Variants in TRIM56 observed in about 807,000 individuals in gnomAD.
The protein encoded by TRIM56 is E3 ubiquitin-protein ligase TRIM56.
A neutral mutation model predicts 17.1 loss-of-function variants in TRIM56; 10 were observed. That is an observed-to-expected ratio of 0.58 (90% CI 0.36 to 0.99). TRIM56 has a LOEUF of 0.99. Among genes scored for constraint, TRIM56 ranks in the 50% least tolerant of loss-of-function variants. The pLI is 0.01. For synonymous variants in TRIM56, 503 were observed against 473.5 expected, an observed-to-expected ratio of 1.06 and a Z score of -0.81; for missense variants, 923 against 1,052.3, an observed-to-expected ratio of 0.88 and a Z score of 1.70.
At position 101,088,163 on chromosome 7, in the gene TRIM56, C is replaced by T; in HGVS notation, c.851C>T (p.Ala284Val). 1 of 1,499,460 alleles carries T rather than the reference C, an allele frequency of 6.7e-7. No homozygotes were observed. The allele number at this position is 1,499,460 out of a possible 1,614,324, so 92.9% of individuals were successfully genotyped here. Reference sequence around the variant, plus strand: ...CAGCTACGAGCCCACGTGGAGGCTGCCGAAGAAGCTGCTCGGGAGAGGCTG... The same window carrying T: ...CAGCTACGAGCCCACGTGGAGGCTGTCGAAGAAGCTGCTCGGGAGAGGCTG... ...LGQLRAHVEA[A>V]EEAARERLAE... The change falls in exon 3 of 3, where the codon GCC becomes GTC. Residue 284 changes from alanine to valine, a missense_variant. Physicochemically the swap from Ala to Val is moderately conservative, Grantham distance 64 (BLOSUM62 0). This residue lies in a region of TRIM56 where 643 missense variants were observed against 665.6 expected (regional missense o/e 0.97). Transcript: ENST00000306085.
chr7:101,089,287 G>T lies in TRIM56; in HGVS notation c.1975G>T (p.Val659Leu), dbSNP rs1795523044. ...GTCGGACTGGCAGCAGAATAGTGTG[G>T]TAATCTGTGATGGGCTGGGCCAGGT... ...VGSDWQQNSVVICDGLGQVVG... is the reference protein window; with the variant it reads ...VGSDWQQNSVLICDGLGQVVG... Residue 659 changes from valine to leucine, a missense_variant, in exon 3 of 3, where the codon GTA (valine) becomes TTA (leucine). Physicochemically the swap from Val to Leu is conservative, Grantham distance 32 (BLOSUM62 1). This residue lies in a region of TRIM56 where 182 missense variants were observed against 243.1 expected (regional missense o/e 0.75). Coordinates refer to ENST00000306085, the MANE Select transcript of TRIM56 (RefSeq NM_030961.3). 1 of 1,607,700 alleles carries T rather than the reference G, an allele frequency of 6.2e-7. No individual in the cohort carries two copies. Among genetic ancestry groups the T allele is most frequent in the South Asian group, 1.1e-5 (1 of 90,660 alleles).
chr7:101,092,119 T>G lies in TRIM56; in HGVS notation c.*2539T>G, dbSNP rs532889140. 33 of 264,828 alleles carry G rather than the reference T, an allele frequency of 1.2e-4. No homozygotes were observed. Among genetic ancestry groups the G allele is most frequent in the South Asian group, 8.0e-4 (24 of 29,860 alleles). 16.4% of individuals were successfully genotyped at this position (264,828 alleles called of 1,614,324 possible). A position where few individuals can be genotyped will look rare whatever the true frequency, so the allele number is the denominator to read the frequency against. On this transcript the variant is annotated 3_prime_UTR_variant, in exon 3 of 3. Transcript: ENST00000306085. ...ATGTTGCCCAGGCTGGAGTGCAGTG[T>G]CGTGATCTCGGCTAGCTACAACCTC...
chr7:101,091,441 C>G lies in TRIM56; in HGVS notation c.*1861C>G, dbSNP rs1356111103. The stretch of plus-strand genomic sequence containing the variant: ...AGAATAATGAAGATTATAAGAAAAC[C>G]AAGCGCCAGGCACGGTGACTCAAGC... On this transcript the variant is annotated 3_prime_UTR_variant, in exon 3 of 3. Coordinates refer to ENST00000306085, the MANE Select transcript of TRIM56 (RefSeq NM_030961.3). The G allele has an allele frequency of 5.1e-6, 1 of 194,772 alleles. No homozygotes were observed. Among genetic ancestry groups the G allele is most frequent in the East Asian group, 1.7e-4 (1 of 5,780 alleles). The allele number at this position is 194,772 out of a possible 1,614,324, so 12.1% of individuals were successfully genotyped here. A position where few individuals can be genotyped will look rare whatever the true frequency, so the allele number is the denominator to read the frequency against.
chr7:101,087,712 G>A lies in TRIM56; in HGVS notation c.400G>A (p.Gly134Arg), dbSNP rs1418561224. ...ADDLCQACAD[G>R]HRCTRQTHTH... ...TGACTTGTGCCAGGCCTGTGCCGAC[G>A]GGCACCGCTGCACCCGCCAGACCCA... Residue 134 changes from glycine to arginine, a missense_variant, in exon 3 of 3, where the codon GGG (glycine) becomes AGG (arginine). Gly to Arg is a moderately radical substitution (Grantham distance 125). Transcript: ENST00000306085. 3.8e-6 allele frequency: 6 copies of A among 1,586,574 alleles called. No individual in the cohort carries two copies. The highest frequency in any genetic ancestry group is 5.1e-6 in the Non-Finnish European group (6 of 1,166,916).
In TRIM56 at chr7:101,096,025, C is replaced by T. The variant is rs1189723923; in HGVS notation, c.*6445C>T. On this transcript the variant is annotated 3_prime_UTR_variant, in exon 3 of 3. Transcript: ENST00000306085. Reference sequence around the variant, plus strand: ...CAACATGGTGAAACCCCCATCTCTACTAAAAATACAAAAATTAGCCAGGCG... The same window carrying T: ...CAACATGGTGAAACCCCCATCTCTATTAAAAATACAAAAATTAGCCAGGCG... 1 of 152,150 alleles carries T rather than the reference C, an allele frequency of 6.6e-6. No individual in the cohort carries two copies. The highest frequency in any genetic ancestry group is 1.5e-5 in the Non-Finnish European group (1 of 68,042). The allele number at this position is 152,150 out of a possible 1,614,324, so 9.4% of individuals were successfully genotyped here.
chr7:101,089,218 G>A lies in TRIM56; in HGVS notation c.1906G>A (p.Ala636Thr), dbSNP rs1350172755. Residue 636 changes from alanine (A) to threonine (T), a missense_variant, in exon 3 of 3, where the codon GCG (alanine) becomes ACG (threonine). Around this residue, in one of 3 missense-constraint regions of TRIM56, gnomAD observed 182 missense variants for 243.1 expected, o/e 0.75. Transcript: ENST00000306085. ...PGGKASRGLR[A>T]LVFLTTSPQG... is the part of the protein sequence containing the mutation. Reference sequence around the variant, plus strand: ...AGGCAAGGCCAGCCGGGGCCTGCGGGCGCTGGTGTTTCTGACCACCAGCCC... The same window carrying A: ...AGGCAAGGCCAGCCGGGGCCTGCGGACGCTGGTGTTTCTGACCACCAGCCC... The A allele has an allele frequency of 6.2e-7, 1 of 1,613,506 alleles. No homozygotes were observed. Among genetic ancestry groups the A allele is most frequent in the Non-Finnish European group, 8.5e-7 (1 of 1,179,746 alleles).
rs1242799899 is a variant in TRIM56, at chr7:101,087,491, G to A, written c.179G>A (p.Arg60His). The A allele has an allele frequency of 6.2e-6, 10 of 1,613,396 alleles. No individual in the cohort carries two copies. Among genetic ancestry groups the A allele is most frequent in the Middle Eastern group, 1.6e-4 (1 of 6,082 alleles). The change falls in exon 3 of 3, where the codon CGC becomes CAC. Residue 60 changes from arginine to histidine, a missense_variant. Transcript: ENST00000306085. The part of the protein sequence containing the change: ...DGGRVRCPEC[R>H]ETVPVPPEGV... The stretch of plus-strand genomic sequence containing the variant: ...GGCCGCGTCCGCTGCCCCGAGTGCC[G>A]CGAGACAGTGCCTGTGCCGCCCGAG...
rs75413959 is a variant in TRIM56, at chr7:101,090,317, T to A, written c.*737T>A. On this transcript the variant is annotated 3_prime_UTR_variant, in exon 3 of 3. Coordinates refer to ENST00000306085, the MANE Select transcript of TRIM56 (RefSeq NM_030961.3). ...TCGCTTCTCAGCCTTTTGGCTAAGA[T>A]TAAGTATTAAAAAAAAACCAGGCTC... The A allele has an allele frequency of 0.019, 3,157 of 166,776 alleles. 272 individuals are homozygous for A. The East Asian group carries it at 0.26, about 14-fold the overall frequency. The allele number at this position is 166,776 out of a possible 1,614,324, so 10.3% of individuals were successfully genotyped here.
Position 101,088,012 on chromosome 7 carries a change from C to CGG in TRIM56, c.701_702dup (p.Arg235GlyfsTer8). On this transcript the variant is annotated frameshift_variant, in exon 3 of 3. Transcript: ENST00000306085. LOFTEE classifies it low-confidence loss of function (END_TRUNC). Reference sequence around the variant, plus strand: ...TAACCTGGTGGAGCTGGAGGCAGCGCGGAGGGTGGAGAAGGAGGCGCTAGC... The same window carrying CGG: ...TAACCTGGTGGAGCTGGAGGCAGCGCGGGGAGGGTGGAGAAGGAGGCGCTAGC... 6.3e-7 allele frequency: 1 copy of CGG among 1,575,146 alleles called. No individual in the cohort carries two copies. Among genetic ancestry groups the CGG allele is most frequent in the Non-Finnish European group, 8.6e-7 (1 of 1,167,444 alleles).
In TRIM56 at chr7:101,087,712, G is replaced by T. The variant is rs1418561224; in HGVS notation, c.400G>T (p.Gly134Trp). 1 of 1,586,574 alleles carries T rather than the reference G, an allele frequency of 6.3e-7. No homozygotes were observed. Among genetic ancestry groups the T allele is most frequent in the Non-Finnish European group, 8.6e-7 (1 of 1,166,916 alleles). The stretch of plus-strand genomic sequence containing the variant: ...TGACTTGTGCCAGGCCTGTGCCGAC[G>T]GGCACCGCTGCACCCGCCAGACCCA... ...ADDLCQACAD[G>W]HRCTRQTHTH... Residue 134 changes from glycine (G) to tryptophan (W), a missense_variant, in exon 3 of 3, where the codon GGG becomes TGG. Gly to Trp is a radical substitution (Grantham distance 184). Transcript: ENST00000306085.
intron 1 of TRIM56, 23 bp from the exon 2 acceptor site, chr7:101,086,983 C>T (rs957777024): frequency 6.6e-6 from 2 of 300,980 alleles, no homozygotes; most frequent in East Asian, 1.4e-4. Flanking sequence ...TTAGCTAAGG[C>T]CAGGGACTCC....
intron 1 of TRIM56, among the ~76,000 whole-genome samples, chr7:101,086,078 C>T (rs915439765): frequency 6.6e-6 from 1 of 152,160 alleles, no homozygotes; most frequent in Non-Finnish European, 1.5e-5. Context: ...GCCTCCACCA[C>T]CCGCGATGCT....
Position 101,087,601 on chromosome 7 carries a change from G to A in TRIM56, c.289G>A (p.Gly97Arg), listed in dbSNP as rs763005908. ...CCGGGCCTGTGGAGACCTGCGTGCC[G>A]GGAAGCCAGCCTGTGCCCTGTGTCC... ...KARACGDLRAGKPACALCPLV... is the reference protein window; with the variant it reads ...KARACGDLRARKPACALCPLV... The change falls in exon 3 of 3, where the codon GGG becomes AGG. Residue 97 changes from glycine to arginine, a missense_variant. Physicochemically the swap from Gly to Arg is moderately radical, Grantham distance 125. Around this residue, in one of 3 missense-constraint regions of TRIM56, gnomAD observed 98 missense variants for 143.6 expected, o/e 0.68. Transcript: ENST00000306085. The A allele has an allele frequency of 1.6e-5, 26 of 1,612,232 alleles. No individual in the cohort carries two copies. The highest frequency in any genetic ancestry group is 1.1e-4 in the African/African-American group (8 of 74,898).
In TRIM56 at chr7:101,089,796, G is replaced by A. The variant is rs986413615; in HGVS notation, c.*216G>A. ...TAACTCTCAGAAGCAGAGGAGGCAGGTGGGTGGAGGGGGATGCTGGGAGTT... is the reference window on the plus strand; with the variant it reads ...TAACTCTCAGAAGCAGAGGAGGCAGATGGGTGGAGGGGGATGCTGGGAGTT... On this transcript the variant is annotated 3_prime_UTR_variant, in exon 3 of 3. Transcript: ENST00000306085. 26 of 512,704 alleles carry A rather than the reference G, an allele frequency of 5.1e-5. No individual in the cohort carries two copies. The highest frequency in any genetic ancestry group is 3.6e-5 in the Admixed American group (1 of 27,682). 31.8% of individuals were successfully genotyped at this position (512,704 alleles called of 1,614,324 possible).
Position 101,088,896 on chromosome 7 carries a change from C to T in TRIM56, c.1584C>T (p.Asn528=). 6.2e-7 allele frequency: 1 copy of T among 1,613,898 alleles called. No individual in the cohort carries two copies. Among genetic ancestry groups the T allele is most frequent in the South Asian group, 1.1e-5 (1 of 91,088 alleles). ...PREILVADEQ[N]RALKRFSLNG... is the part of the protein sequence containing the mutation. ...AGATCCTGGTGGCGGATGAGCAGAA[C>T]CGGGCACTGAAACGCTTCTCCCTCA... Residue 528 remains asparagine, a synonymous_variant, in exon 3 of 3, where the codon AAC becomes AAT. Coordinates refer to ENST00000306085, the MANE Select transcript of TRIM56 (RefSeq NM_030961.3).
In TRIM56 at chr7:101,087,704, G is replaced by A. The variant is rs769325272; in HGVS notation, c.392G>A (p.Cys131Tyr). The change falls in exon 3 of 3, where the codon TGT becomes TAT. Residue 131 changes from cysteine to tyrosine, a missense_variant. Coordinates refer to ENST00000306085, the MANE Select transcript of TRIM56 (RefSeq NM_030961.3). ...TGTGCCGATGACTTGTGCCAGGCCT[G>A]TGCCGACGGGCACCGCTGCACCCGC... ...LDCADDLCQA[C>Y]ADGHRCTRQT... The A allele has an allele frequency of 6.3e-7, 1 of 1,587,882 alleles. No individual in the cohort carries two copies. The highest frequency in any genetic ancestry group is 1.1e-5 in the South Asian group (1 of 88,220).
chr7:101,089,489 G>A lies in TRIM56; in HGVS notation c.2177G>A (p.Arg726Gln), dbSNP rs1325410629. ...LTAYHGLEKP[R>Q]VTTMVDGRYL... Reference sequence around the variant, plus strand: ...GCCTACCACGGCCTGGAAAAGCCCCGGGTTACCACCATGGTGGATGGCAGG... The same window carrying A: ...GCCTACCACGGCCTGGAAAAGCCCCAGGTTACCACCATGGTGGATGGCAGG... The change falls in exon 3 of 3, where the codon CGG becomes CAG. Residue 726 changes from arginine to glutamine, a missense_variant. Coordinates refer to ENST00000306085, the MANE Select transcript of TRIM56 (RefSeq NM_030961.3). 7.4e-6 allele frequency: 12 copies of A among 1,614,136 alleles called. No individual in the cohort carries two copies. Among genetic ancestry groups the A allele is most frequent in the African/African-American group, 1.3e-5 (1 of 74,948 alleles).
In TRIM56 at chr7:101,090,326, A is replaced by T. The variant is rs76886020; in HGVS notation, c.*746A>T. 6.0e-6 allele frequency: 1 copy of T among 165,442 alleles called. No homozygotes were observed. Among genetic ancestry groups the T allele is most frequent in the East Asian group, 1.9e-4 (1 of 5,166 alleles). 10.2% of individuals were successfully genotyped at this position (165,442 alleles called of 1,614,324 possible). The stretch of plus-strand genomic sequence containing the variant: ...AGCCTTTTGGCTAAGATTAAGTATT[A>T]AAAAAAAACCAGGCTCTGCCAGGCG... On this transcript the variant is annotated 3_prime_UTR_variant, in exon 3 of 3. Transcript: ENST00000306085.
At position 101,089,405 on chromosome 7, in the gene TRIM56, A is replaced by C; in HGVS notation, c.2093A>C (p.Glu698Ala). Residue 698 changes from glutamate (E) to alanine (A), a missense_variant, in exon 3 of 3, where the codon GAA becomes GCA. Glu to Ala is a moderately radical substitution (Grantham distance 107). This residue lies in a region of TRIM56 where 182 missense variants were observed against 243.1 expected (regional missense o/e 0.75). Transcript: ENST00000306085. ...KKGYIFLTLREVNKVVILDPK... is the reference protein window; with the variant it reads ...KKGYIFLTLRAVNKVVILDPK... ...GGCTACATCTTTCTGACCCTTCGAG[A>C]AGTCAACAAGGTGGTGATCCTGGAC... 1 of 1,614,080 alleles carries C rather than the reference A, an allele frequency of 6.2e-7. No individual in the cohort carries two copies. The highest frequency in any genetic ancestry group is 8.5e-7 in the Non-Finnish European group (1 of 1,179,956).
Sources: gnomAD v4.1 joint callset for allele counts (sites outside exome capture counted in the v4.1 genomes callset) on GRCh38, gnomAD v4.1.1 for gene constraint, gnomAD v4.1.1 regional missense constraint, MANE v1.5 for transcripts, NCBI Gene and HGNC (gene_info 2026-07-23, HGNC 2026-07-21) for gene names.